RASSF5: variants seen among roughly 807,000 people sequenced by gnomAD.
The protein encoded by RASSF5 is ras association domain-containing protein 5.
RASSF5 carries 25 observed loss-of-function variants against 40.5 expected under a neutral mutation model. That is an observed-to-expected ratio of 0.62 (90% confidence interval 0.45 to 0.86). RASSF5 has a LOEUF of 0.86. Ranked by LOEUF, RASSF5 falls within the 40% of genes least tolerant of loss-of-function variation. The pLI is 0.00. For missense variants in RASSF5, 521 were observed against 572.8 expected (o/e 0.91, Z 0.92); for synonymous variants, 246 against 252.4 (o/e 0.97, Z 0.24).
At chr1:206,586,305 G>C (rs4073393) in intron 5 of RASSF5, 27,332 of 155,756 alleles carry the variant, frequency 0.18, 2,485 homozygotes, top group East Asian at 0.27. Flanking sequence ...TTTAGGGGTA[G>C]GCCTGGGCCA....
At chr1:206,517,008 G>A (rs567333086) in intron 1 of RASSF5, among the ~76,000 whole-genome samples, 17 of 152,250 alleles carry the variant, frequency 1.1e-4, no homozygotes, top group African/African-American at 4.1e-4. Flanking sequence ...ACTAGAGAGG[G>A]CCACAACAAA....
At chr1:206,538,795 A>G (rs74949262) in intron 2 of RASSF5, among the ~76,000 whole-genome samples, 2,532 of 152,340 alleles carry the variant, frequency 0.017, 71 homozygotes, top group African/African-American at 0.058. Context: ...ACTGTGATGT[A>G]TCTGAACTTT....
chr1:206,561,840 G>GGT (rs71570013), intron 2 of RASSF5, among the ~76,000 whole-genome samples: 4 of 143,744 alleles, frequency 2.8e-5, no homozygotes, highest in Admixed American at 2.1e-4. Context: ...TAAGTTTTGT[G>GGT]TTTTTTTTTT....
chr1:206,515,338 G>A (rs1553395248), intron 1 of RASSF5, among the ~76,000 whole-genome samples: 1 of 152,174 alleles, frequency 6.6e-6, no homozygotes, highest in African/African-American at 2.4e-5. Context: ...TTTAGAAAAA[G>A]GGTGAAGTTT....
intron 3 of RASSF5, chr1:206,583,738 C>T (rs12724616): frequency 0.18 from 47,296 of 259,290 alleles, 4,715 homozygotes; most frequent in Middle Eastern, 0.32. Flanking sequence ...CCCCTTCCTA[C>T]CCCTTCGATT....
chr1:206,507,568 G>T lies in RASSF5; in HGVS notation c.-35G>T. 6.9e-7 allele frequency: 1 copy of T among 1,450,034 alleles called. No homozygotes were observed. Among genetic ancestry groups the T allele is most frequent in the East Asian group, 3.0e-5 (1 of 33,454 alleles). The allele number at this position is 1,450,034 out of a possible 1,614,324, so 89.8% of individuals were successfully genotyped here. A position where few individuals can be genotyped will look rare whatever the true frequency, so the allele number is the denominator to read the frequency against. On this transcript the variant is annotated 5_prime_UTR_variant, in exon 1 of 6. Transcript: ENST00000579436. Reference sequence around the variant, plus strand: ...GCTCGGGAGTAGCGCAGTCGCCAAAGCCGCCGCTGCCAAAGCTGCCGCCAC... The same window carrying T: ...GCTCGGGAGTAGCGCAGTCGCCAAATCCGCCGCTGCCAAAGCTGCCGCCAC...
chr1:206,522,046 A>T (rs541728232), intron 1 of RASSF5, among the ~76,000 whole-genome samples: 1 of 152,040 alleles, frequency 6.6e-6, no homozygotes, highest in African/African-American at 2.4e-5. Flanking sequence ...TTTTTTCTTA[A>T]GGTGCCTGGC....
In RASSF5 at chr1:206,587,651, A is replaced by G. The variant is rs971768515; in HGVS notation, c.*673A>G. 3 of 153,924 alleles carry G rather than the reference A, an allele frequency of 1.9e-5. No individual in the cohort carries two copies. Among genetic ancestry groups the G allele is most frequent in the Non-Finnish European group, 2.9e-5 (2 of 69,198 alleles). 9.5% of individuals were successfully genotyped at this position (153,924 alleles called of 1,614,324 possible). On this transcript the variant is annotated 3_prime_UTR_variant, in exon 6 of 6. Coordinates refer to ENST00000579436, the MANE Select transcript of RASSF5 (RefSeq NM_182663.4). Reference sequence around the variant, plus strand: ...GCTCTGGCCCTGGCCCACATTGCACATGGAAACCCAAAGGCATATATCTGC... The same window carrying G: ...GCTCTGGCCCTGGCCCACATTGCACGTGGAAACCCAAAGGCATATATCTGC...
At chr1:206,578,069 T>TA (rs35230319) in intron 2 of RASSF5, among the ~76,000 whole-genome samples, 67,161 of 150,896 alleles carry the variant, frequency 0.45, 15,299 homozygotes, top group Middle Eastern at 0.65. Context: ...TACAAAAAAA[T>TA]AAAAAAAATT....
chr1:206,561,236 CTGTT>C (rs2103542244), intron 2 of RASSF5, among the ~76,000 whole-genome samples: 1 of 152,348 alleles, frequency 6.6e-6, no homozygotes, highest in East Asian at 1.9e-4. Context: ...GGCCACACAT[CTGTT>C]TGGGTAGAGC....
Position 206,552,343 on chromosome 1 carries a change from G to A in RASSF5, c.579+14050G>A, listed in dbSNP as rs1454908327. On this transcript the variant is annotated intron_variant, in intron 2 of 5. Coordinates refer to ENST00000579436, the MANE Select transcript of RASSF5 (RefSeq NM_182663.4). The surrounding 1 kb of genome is among the most constrained non-coding windows in gnomAD (Gnocchi z 4.1). ...TTAAGGATGCTTCTCAGAGTCAGAT[G>A]GAAGGTGTGGGAGGTATGGATGATA... Among the ~76,000 whole-genome samples, 1 of 152,206 alleles carries A rather than the reference G, an allele frequency of 6.6e-6. No individual in the cohort carries two copies. The highest frequency in any genetic ancestry group is 1.5e-5 in the Non-Finnish European group (1 of 68,032).
intron 3 of RASSF5, 56 bp downstream of exon 3, chr1:206,583,435 G>T: frequency 8.2e-7 from 1 of 1,217,076 alleles, no homozygotes; most frequent in Non-Finnish European, 1.2e-6. Context: ...CTTCGGGTTT[G>T]GCGCCTCTGC....
chr1:206,556,388 C>T (rs1558511339), intron 2 of RASSF5, among the ~76,000 whole-genome samples: 2 of 152,222 alleles, frequency 1.3e-5, no homozygotes, highest in Admixed American at 6.5e-5. Flanking sequence ...GTTGTTCAAA[C>T]AATGGTAGCT....
At chr1:206,568,737 T>C (rs1316334956) in intron 2 of RASSF5, among the ~76,000 whole-genome samples, 1 of 152,240 alleles carries the variant, frequency 6.6e-6, no homozygotes, top group Non-Finnish European at 1.5e-5. Context: ...TCTCAAGGCC[T>C]GGAGATTCTG....
intron 2 of RASSF5, among the ~76,000 whole-genome samples, chr1:206,558,145 C>G (rs1668040618): frequency 6.6e-6 from 1 of 152,210 alleles, no homozygotes. Context: ...TTTGAAGTGG[C>G]CAGAAACCAC....
intron 1 of RASSF5, among the ~76,000 whole-genome samples, chr1:206,519,158 G>A (rs558583587): frequency 2.6e-5 from 4 of 152,244 alleles, no homozygotes; most frequent in Non-Finnish European, 5.9e-5. Flanking sequence ...ATAACTGGAC[G>A]GCATAGCGGT....
chr1:206,573,455 G>A (rs937714849), intron 2 of RASSF5, among the ~76,000 whole-genome samples: 3 of 152,176 alleles, frequency 2.0e-5, no homozygotes, highest in Admixed American at 6.5e-5. Flanking sequence ...GATCTGGGAC[G>A]CCATAGAGGG....
intron 4 of RASSF5, 62 bp from the exon 5 acceptor site, chr1:206,585,118 C>T: frequency 7.8e-7 from 1 of 1,284,150 alleles, no homozygotes; most frequent in Non-Finnish European, 1.1e-6. Context: ...TCCTTTCCCG[C>T]AAGCCTGGGC....
At chr1:206,569,824 G>C (rs1240386836) in intron 2 of RASSF5, among the ~76,000 whole-genome samples, 1 of 152,072 alleles carries the variant, frequency 6.6e-6, no homozygotes, top group Non-Finnish European at 1.5e-5. Flanking sequence ...GGCTGTCCAG[G>C]TCATTTTTTG....
Sources: gnomAD v4.1 joint callset for allele counts (sites outside exome capture counted in the v4.1 genomes callset) on GRCh38, gnomAD v4.1.1 for gene constraint, Gnocchi (gnomAD v3.1) non-coding constraint, MANE v1.5 for transcripts, NCBI Gene and HGNC (gene_info 2026-07-23, HGNC 2026-07-21) for gene names.